MAD1L1: variants seen among roughly 807,000 people sequenced by gnomAD.
The protein encoded by MAD1L1 is mitotic spindle assembly checkpoint protein MAD1.
MAD1L1 carries 95 observed loss-of-function variants against 96.9 expected under a neutral mutation model. The observed-to-expected ratio is 0.98, with a 90% confidence interval of 0.83 to 1.16. MAD1L1 has a LOEUF of 1.16. Ranked by LOEUF, MAD1L1 falls within the 50% of genes most tolerant of loss-of-function variation. MAD1L1 has a pLI of 0.00. For missense variants in MAD1L1, 1,007 were observed against 954.4 expected (o/e 1.06, Z -0.73); for synonymous variants, 473 against 396.6 (o/e 1.19, Z -2.29).
In MAD1L1 at chr7:2,112,499, G is replaced by A. The variant is rs562367976; in HGVS notation, c.1073+36653C>T. On this transcript the variant is annotated intron_variant, in intron 11 of 18. Coordinates refer to ENST00000265854, the MANE Select transcript of MAD1L1 (RefSeq NM_001013836.2). ...GCCTGTCCACAGACACTGCACCCTC[G>A]CAAGTCAACCTCTCCTCACAGAGCC... Among the ~76,000 whole-genome samples the A allele has an allele frequency of 1.5e-3, 233 of 152,328 alleles. 1 individual carries two copies. The highest frequency in any genetic ancestry group is 5.2e-3 in the African/African-American group (215 of 41,566).
chr7:1,965,976 G>C lies in MAD1L1; in HGVS notation c.1506-8257C>G, dbSNP rs374280869. Among the ~76,000 whole-genome samples the C allele has an allele frequency of 5.9e-5, 9 of 152,348 alleles. No homozygotes were observed. In the South Asian group the frequency reaches 1.9e-3, roughly 32 times the overall value. Reference sequence around the variant, plus strand: ...AGAGTTGGGGGGCATCCCTGGGTCGGCCCATGCCTGGGTCCCATCCACACT... The same window carrying C: ...AGAGTTGGGGGGCATCCCTGGGTCGCCCCATGCCTGGGTCCCATCCACACT... On this transcript the variant is annotated intron_variant, in intron 15 of 18. Transcript: ENST00000265854.
rs374160954 is a variant in MAD1L1 at position 2,014,558 on chromosome 7, T to C, written c.1303A>G (p.Met435Val). Residue 435 changes from methionine to valine, a missense_variant, in exon 13 of 19, where the codon ATG becomes GTG. Met to Val is a conservative substitution (Grantham distance 21). Coordinates refer to ENST00000265854, the MANE Select transcript of MAD1L1 (RefSeq NM_001013836.2). ...TGCACCATATCCTCAGCCTCCCGCA[T>C]GCGCCGCGTCAGCTGGGGTGAGTAC... is the stretch of plus-strand genomic sequence containing the variant. Reference protein sequence around the residue: ...AEYSPQLTRRMREAEDMVQKV... With the variant: ...AEYSPQLTRRVREAEDMVQKV... 21 of 1,611,234 alleles carry C rather than the reference T, an allele frequency of 1.3e-5. No individual in the cohort carries two copies. Among genetic ancestry groups the C allele is most frequent in the Non-Finnish European group, 1.4e-5 (17 of 1,179,738 alleles).
intron 12 of MAD1L1, among the ~76,000 whole-genome samples, chr7:2,045,009 A>C (rs1309801643): frequency 1.3e-5 from 2 of 152,194 alleles, no homozygotes; most frequent in Non-Finnish European, 2.9e-5. Context: ...CCACACGCCC[A>C]AGCCACACGG....
intron 18 of MAD1L1, among the ~76,000 whole-genome samples, chr7:1,837,676 G>A (rs929600256): frequency 3.3e-5 from 5 of 152,228 alleles, no homozygotes; most frequent in African/African-American, 1.2e-4. Flanking sequence ...GCAGCCAGAT[G>A]AGAAAGGCTA....
At chr7:2,007,663 G>T (rs1782095346) in intron 13 of MAD1L1, among the ~76,000 whole-genome samples, 1 of 152,136 alleles carries the variant, frequency 6.6e-6, no homozygotes, top group African/African-American at 2.4e-5. Flanking sequence ...GACTGAGCGA[G>T]ACTCTGTCCC....
At chr7:2,091,529 A>C (rs1259256026) in intron 11 of MAD1L1, among the ~76,000 whole-genome samples, 2 of 152,232 alleles carry the variant, frequency 1.3e-5, no homozygotes, top group African/African-American at 4.8e-5. Context: ...TGATCCCAGC[A>C]CTTTGGGAGG....
intron 11 of MAD1L1, among the ~76,000 whole-genome samples, chr7:2,129,742 T>C (rs936339720): frequency 6.6e-6 from 1 of 152,174 alleles, no homozygotes; most frequent in African/African-American, 2.4e-5. Flanking sequence ...TTTACACGCA[T>C]GTCAGAGACA....
chr7:2,183,052 A>G (rs373327309), intron 10 of MAD1L1, among the ~76,000 whole-genome samples: 2 of 152,060 alleles, frequency 1.3e-5, no homozygotes, highest in African/African-American at 2.4e-5. Context: ...GTGAGACCCT[A>G]TCTCTACAAA....
chr7:2,035,217 A>C (rs1783410807), intron 12 of MAD1L1, among the ~76,000 whole-genome samples: 1 of 152,288 alleles, frequency 6.6e-6, no homozygotes, highest in Middle Eastern at 3.2e-3. Context: ...GGACACGCTG[A>C]GAAATGTAAA....
rs546753012 is a variant in MAD1L1 at position 1,885,382 on chromosome 7, A to G, written c.1998+12818T>C. Among the ~76,000 whole-genome samples the G allele has an allele frequency of 2.6e-5, 4 of 152,286 alleles. 1 individual carries two copies. In the East Asian group the frequency reaches 7.7e-4, roughly 29 times the overall value. ...CCCAGCTCTGCCTAGAGAAAGATGGAGAGGGCTTAACGAGGGCTTTGAAGC... is the reference window on the plus strand; with the variant it reads ...CCCAGCTCTGCCTAGAGAAAGATGGGGAGGGCTTAACGAGGGCTTTGAAGC... On this transcript the variant is annotated intron_variant, in intron 18 of 18. Coordinates refer to ENST00000265854, the MANE Select transcript of MAD1L1 (RefSeq NM_001013836.2).
At chr7:2,222,967 C>T (rs932609942) in intron 4 of MAD1L1, among the ~76,000 whole-genome samples, 2 of 152,210 alleles carry the variant, frequency 1.3e-5, no homozygotes, top group East Asian at 3.8e-4. Flanking sequence ...GAGCACTGTG[C>T]GAGGTCAGGG....
chr7:2,056,138 T>C (rs976611590), intron 12 of MAD1L1, among the ~76,000 whole-genome samples: 2 of 152,166 alleles, frequency 1.3e-5, no homozygotes, highest in Non-Finnish European at 2.9e-5. Flanking sequence ...ACAGGGAACA[T>C]GATGACTGTC....
At position 2,001,250 on chromosome 7, in the gene MAD1L1, C is replaced by T. The variant is rs765101681; in HGVS notation, c.1416+815G>A. 1.2e-4 allele frequency among the ~76,000 whole-genome samples: 18 copies of T among 152,272 alleles called. 1 individual carries two copies. Among genetic ancestry groups the T allele is most frequent in the Non-Finnish European group, 4.4e-5 (3 of 68,042 alleles). On this transcript the variant is annotated intron_variant, in intron 14 of 18. Transcript: ENST00000265854. ...CAGCTCTGCCTGTGACCCAGGCCAG[C>T]CTGACGCATGGCCCAGGGCAGAACA... is the stretch of plus-strand genomic sequence containing the variant.
intron 11 of MAD1L1, among the ~76,000 whole-genome samples, chr7:2,091,127 A>C (rs1025100592): frequency 2.0e-5 from 3 of 152,120 alleles, no homozygotes; most frequent in Admixed American, 2.0e-4. Context: ...TCCCATCCAC[A>C]CGCCCCATCC....
At chr7:2,163,789 C>G (rs1315080382) in intron 10 of MAD1L1, among the ~76,000 whole-genome samples, 1 of 152,050 alleles carries the variant, frequency 6.6e-6, no homozygotes, top group Non-Finnish European at 1.5e-5. Context: ...CTGGGCCTGG[C>G]TCCTCTCAGA....
intron 10 of MAD1L1, among the ~76,000 whole-genome samples, chr7:2,202,816 T>C (rs1792386370): frequency 6.6e-6 from 1 of 152,188 alleles, no homozygotes; most frequent in African/African-American, 2.4e-5. Flanking sequence ...GACCCTTCCT[T>C]AGAGGAAAAT....
intron 12 of MAD1L1, among the ~76,000 whole-genome samples, chr7:2,059,316 G>A (rs1319312532): frequency 1.4e-5 from 2 of 146,358 alleles, no homozygotes; most frequent in Admixed American, 1.3e-4. Context: ...GAGAAGCAGG[G>A]CTGGAGTGGG....
At chr7:2,160,924 A>G (rs1193841350) in intron 10 of MAD1L1, among the ~76,000 whole-genome samples, 2 of 152,190 alleles carry the variant, frequency 1.3e-5, no homozygotes, top group East Asian at 3.8e-4. Context: ...AAAGAAAAAT[A>G]ATTCCCACAA....
chr7:1,921,601 G>A (rs1478355007), intron 17 of MAD1L1, among the ~76,000 whole-genome samples: 2 of 152,136 alleles, frequency 1.3e-5, no homozygotes, highest in Non-Finnish European at 2.9e-5. Flanking sequence ...TTACAGGCAT[G>A]AGCCACCGCG....
Sources: gnomAD v4.1 joint callset for allele counts (sites outside exome capture counted in the v4.1 genomes callset) on GRCh38, gnomAD v4.1.1 for gene constraint, MANE v1.5 for transcripts, NCBI Gene and HGNC (gene_info 2026-07-23, HGNC 2026-07-21) for gene names.